The following TANGO6 variants were observed in gnomAD, a reference collection of about 807,000 sequenced individuals.
The protein encoded by TANGO6 is transport and Golgi organization protein 6 homolog.
A neutral mutation model predicts 114.2 loss-of-function variants in TANGO6; 90 were observed. The ratio of observed to expected loss-of-function variants is 0.79; its 90% CI spans 0.66 to 0.94. The LOEUF is 0.94. TANGO6 is among the 40% of genes least tolerant of loss of function. The pLI, the probability that TANGO6 is intolerant of heterozygous loss-of-function variation, is 0.00. For missense variants in TANGO6, 1,274 were observed against 1,315.3 expected (o/e 0.97, Z 0.49); for synonymous variants, 477 against 509.8 (o/e 0.94, Z 0.87).
At chr16:68,854,332 G>A (rs1203778641) in intron 1 of TANGO6, among the ~76,000 whole-genome samples, 1 of 152,040 alleles carries the variant, frequency 6.6e-6, no homozygotes, top group African/African-American at 2.4e-5. Flanking sequence ...TGTAATCCTA[G>A]CTACTAGGGA....
At chr16:68,872,006 C>T (rs1007848677) in intron 4 of TANGO6, among the ~76,000 whole-genome samples, 3 of 151,974 alleles carry the variant, frequency 2.0e-5, no homozygotes, top group African/African-American at 4.8e-5. Flanking sequence ...CCAACGTGGG[C>T]GGATCACGAG....
chr16:68,980,409 C>CTATATA (rs1231646458), intron 15 of TANGO6, among the ~76,000 whole-genome samples: 11 of 67,986 alleles, frequency 1.6e-4, no homozygotes, highest in Non-Finnish European at 1.9e-4. Context: ...CTCTCTCTCT[C>CTATATA]TATATATATA....
At chr16:68,962,777 A>T (rs1319453750) in intron 14 of TANGO6, among the ~76,000 whole-genome samples, 1 of 151,718 alleles carries the variant, frequency 6.6e-6, no homozygotes, top group African/African-American at 2.4e-5. Context: ...AATAATAATA[A>T]TAAAATAAAG....
Position 68,859,956 on chromosome 16 carries a change from C to G in TANGO6, c.167C>G (p.Ala56Gly). The G allele has an allele frequency of 6.2e-7, 1 of 1,612,470 alleles. No homozygotes were observed. Among genetic ancestry groups the G allele is most frequent in the East Asian group, 2.2e-5 (1 of 44,846 alleles). ...GCTACTTTAAAATCTAACCTGTCTG[C>G]TTTGGAGGACAAGTTTCTGAAGGAT... Reference protein sequence around the residue: ...LLATLKSNLSALEDKFLKDPQ... With the variant: ...LLATLKSNLSGLEDKFLKDPQ... Residue 56 changes from alanine (A) to glycine (G), a missense_variant, in exon 2 of 18, where the codon GCT (alanine) becomes GGT (glycine). Physicochemically the swap from Ala to Gly is moderately conservative, Grantham distance 60 (BLOSUM62 0). Transcript: ENST00000261778.
intron 7 of TANGO6, among the ~76,000 whole-genome samples, chr16:68,896,926 T>C (rs1962713517): frequency 6.6e-6 from 1 of 152,034 alleles, no homozygotes; most frequent in East Asian, 1.9e-4. Context: ...TTTTTTGAGA[T>C]AGAGTCTTGC....
chr16:68,907,644 A>G, intron 10 of TANGO6, 69 bp downstream of exon 10: 2 of 1,477,028 alleles, frequency 1.4e-6, no homozygotes, highest in Non-Finnish European at 1.8e-6. Context: ...TAGAATTTTC[A>G]AAGCATTTAT....
intron 1 of TANGO6, among the ~76,000 whole-genome samples, chr16:68,843,967 C>CT (rs1465779241): frequency 6.6e-6 from 1 of 152,196 alleles, no homozygotes; most frequent in African/African-American, 2.4e-5. Flanking sequence ...GTGCTGGGCT[C>CT]TGTCAGGCGG....
intron 4 of TANGO6, among the ~76,000 whole-genome samples, chr16:68,874,822 T>G (rs1008514786): frequency 2.0e-5 from 3 of 152,006 alleles, no homozygotes; most frequent in African/African-American, 7.2e-5. Flanking sequence ...TGGTGGTGTA[T>G]TCCTGTAATC....
chr16:68,975,107 A>C (rs543941930), intron 15 of TANGO6, among the ~76,000 whole-genome samples: 1 of 152,290 alleles, frequency 6.6e-6, no homozygotes, highest in East Asian at 1.9e-4. Context: ...CTCTTGCTGA[A>C]TGTCTACTGC....
chr16:68,860,231 G>GT lies in TANGO6; in HGVS notation c.446dup (p.Leu149PhefsTer24). 6.2e-7 allele frequency: 1 copy of GT among 1,614,002 alleles called. No homozygotes were observed. Among genetic ancestry groups the GT allele is most frequent in the South Asian group, 1.1e-5 (1 of 91,084 alleles). The stretch of plus-strand genomic sequence containing the variant: ...CTCACAACAGAAGACTGTCCAGTTC[G>GT]TTTTGCAGTTTGTAGTTACCTTGGG... On this transcript the variant is annotated frameshift_variant, in exon 2 of 18. Transcript: ENST00000261778. LOFTEE classifies it high-confidence loss of function.
At position 68,900,634 on chromosome 16, in the gene TANGO6, C is replaced by T. The variant is rs116138468; in HGVS notation, c.1490+88C>T. ...TGTTCTTATTTTGAATTTATATTTG[C>T]CACTTTGAAATTATCATTTCCTTTC... On this transcript the variant is annotated intron_variant, in intron 8 of 17. Coordinates refer to ENST00000261778, the MANE Select transcript of TANGO6 (RefSeq NM_024562.2). The T allele has an allele frequency of 1.3e-3, 1,390 of 1,078,448 alleles. 15 individuals carry two copies. The African/African-American group carries it at 0.02, about 15-fold the overall frequency. The allele number at this position is 1,078,448 out of a possible 1,614,324, so 66.8% of individuals were successfully genotyped here.
chr16:68,998,011 T>C (rs1422871946), intron 15 of TANGO6, among the ~76,000 whole-genome samples: 1 of 152,214 alleles, frequency 6.6e-6, no homozygotes, highest in Non-Finnish European at 1.5e-5. Context: ...GAAGGTATAA[T>C]CTGGAAGATT....
intron 7 of TANGO6, among the ~76,000 whole-genome samples, chr16:68,884,299 A>G (rs910344981): frequency 2.0e-5 from 3 of 152,194 alleles, no homozygotes; most frequent in Non-Finnish European, 4.4e-5. Context: ...TTGAGGGTTG[A>G]CCTGGCACAC....
chr16:69,009,927 A>T (rs960013992), intron 15 of TANGO6, among the ~76,000 whole-genome samples: 3 of 152,224 alleles, frequency 2.0e-5, no homozygotes, highest in African/African-American at 7.2e-5. Context: ...TATTTCATGC[A>T]TGTACTAAGA....
At chr16:68,974,682 A>T (rs990883591) in intron 15 of TANGO6, among the ~76,000 whole-genome samples, 4 of 151,848 alleles carry the variant, frequency 2.6e-5, no homozygotes, top group Admixed American at 2.6e-4. Context: ...CAACAAAAAA[A>T]ACTGCTTAGT....
At chr16:68,890,056 A>G (rs1962589597) in intron 7 of TANGO6, among the ~76,000 whole-genome samples, 1 of 152,206 alleles carries the variant, frequency 6.6e-6, no homozygotes, top group Non-Finnish European at 1.5e-5. Context: ...TATCAGAAAG[A>G]TCACTGTAAT....
intron 7 of TANGO6, among the ~76,000 whole-genome samples, chr16:68,891,467 C>CA (rs1349623669): frequency 4.0e-5 from 6 of 151,240 alleles, no homozygotes; most frequent in South Asian, 2.1e-4. Context: ...CTCAAGAATT[C>CA]AAAAAAAAGA....
chr16:68,912,289 C>T (rs143756990), intron 11 of TANGO6, among the ~76,000 whole-genome samples: 3 of 151,978 alleles, frequency 2.0e-5, no homozygotes, highest in Non-Finnish European at 2.9e-5. Flanking sequence ...CCTGAGCCCA[C>T]GAGTTCGAGA....
chr16:69,023,178 G>T (rs1049904428), intron 16 of TANGO6, among the ~76,000 whole-genome samples, 199 bp downstream of exon 16: 1 of 151,984 alleles, frequency 6.6e-6, no homozygotes, highest in South Asian at 2.1e-4. Context: ...AGTAAGGGCC[G>T]GGCATGGTGG....
Sources: allele counts gnomAD v4.1 joint callset (sites outside exome capture counted in the v4.1 genomes callset), GRCh38; gene constraint gnomAD v4.1.1; transcripts MANE v1.5; gene names NCBI Gene and HGNC (gene_info 2026-07-23, HGNC 2026-07-21).